Variants in PIP5K1C observed in about 807,000 individuals in gnomAD.
PIP5K1C encodes the protein phosphatidylinositol-4-phosphate 5-kinase type 1 gamma, also known as phosphatidylinositol 4-phosphate 5-kinase type-1 gamma.
PIP5K1C carries 45 observed loss-of-function variants against 80.1 expected under a neutral mutation model. The ratio of observed to expected loss-of-function variants is 0.56; its 90% confidence interval spans 0.44 to 0.72. PIP5K1C has a LOEUF of 0.72. Among genes scored for constraint, PIP5K1C ranks in the 30% least tolerant of loss-of-function variants. The pLI is 0.00. For missense variants in PIP5K1C, 753 were observed against 954.6 expected, an observed-to-expected ratio of 0.79 and a Z score of 2.78; for synonymous variants, 498 against 420.1, an observed-to-expected ratio of 1.19 and a Z score of -2.27.
chr19:3,690,736 A>G (rs1419224898), intron 1 of PIP5K1C, among the ~76,000 whole-genome samples: 3 of 152,234 alleles, frequency 2.0e-5, no homozygotes, highest in Admixed American at 6.5e-5. Flanking sequence ...AGTAGCTGCC[A>G]TAACAAATAA....
intron 15 of PIP5K1C, among the ~76,000 whole-genome samples, chr19:3,640,705 T>C (rs75668367): frequency 6.6e-6 from 1 of 151,826 alleles, no homozygotes; most frequent in African/African-American, 2.4e-5. Flanking sequence ...TTTTTTTTTT[T>C]AGGTGGAGTC....
In PIP5K1C at chr19:3,662,059, CCT is replaced by C. The variant is rs559615425; in HGVS notation, c.220-60_220-59del. On this transcript the variant is annotated intron_variant, in intron 3 of 17. Coordinates refer to ENST00000335312, the MANE Select transcript of PIP5K1C (RefSeq NM_012398.3). ...CTGCTCCCCACGCTGCCCTGCACCC[CCT>C]GTGTGCACCGGGGGGTGGAGATCGT... 4.6e-4 allele frequency: 703 copies of C among 1,531,468 alleles called. 3 individuals carry two copies. The highest frequency in any genetic ancestry group is 4.1e-3 in the South Asian group (341 of 84,044). The allele number at this position is 1,531,468 out of a possible 1,614,324, so 94.9% of individuals were successfully genotyped here.
intron 16 of PIP5K1C, among the ~76,000 whole-genome samples, chr19:3,634,333 G>T (rs1423534889): frequency 6.6e-6 from 1 of 150,938 alleles, no homozygotes; most frequent in Non-Finnish European, 1.5e-5. Flanking sequence ...CCCCTAGGCT[G>T]CTCTGCTTTC....
In PIP5K1C at chr19:3,651,855, C is replaced by A. The variant is rs570747394; in HGVS notation, c.1098G>T (p.Ala366=). The change falls in exon 8 of 18, where the codon GCG becomes GCT. Residue 366 remains alanine, a synonymous_variant. Coordinates refer to ENST00000335312, the MANE Select transcript of PIP5K1C (RefSeq NM_012398.3). The part of the protein sequence containing the change: ...TAMESIQGGA[A]RGEAIESDDT... ...CATCCGATTCGATGGCCTCCCCGCG[C>A]GCGGCGCCACCCTGGATGGACTCCA... The A allele has an allele frequency of 3.7e-6, 6 of 1,612,284 alleles. No individual in the cohort carries two copies. In the Admixed American group the frequency reaches 5.0e-5, roughly 13 times the overall value.
rs1879037 is a variant in PIP5K1C at position 3,633,117 on chromosome 19, C to A, written c.*50G>T. 0.11 allele frequency: 83,347 copies of A among 741,830 alleles called. 8,179 individuals are homozygous for A. Among genetic ancestry groups the A allele is most frequent in the Admixed American group, 0.35 (18,233 of 52,804 alleles). The allele number at this position is 741,830 out of a possible 1,614,324, so 46.0% of individuals were successfully genotyped here. A position where few individuals can be genotyped will look rare whatever the true frequency, so the allele number is the denominator to read the frequency against. ...GCGGGGTGGGCAGCGCCTTCGGGGG[C>A]AGCCGGAGCAGAAGTGGAGCTCGGC... On this transcript the variant is annotated 3_prime_UTR_variant, in exon 18 of 18. Coordinates refer to ENST00000335312, the MANE Select transcript of PIP5K1C (RefSeq NM_012398.3).
chr19:3,643,158 G>C, intron 13 of PIP5K1C, 85 bp downstream of exon 13: 2 of 1,591,478 alleles, frequency 1.3e-6, no homozygotes, highest in Non-Finnish European at 1.7e-6. Context: ...CATGCACAGC[G>C]GATGCCCCGC....
At position 3,648,605 on chromosome 19, in the gene PIP5K1C, C is replaced by G. The variant is rs1220669735; in HGVS notation, c.1211+20G>C. On this transcript the variant is annotated intron_variant, in intron 9 of 17. Transcript: ENST00000335312. The surrounding 1 kb of genome is among the most constrained non-coding windows in gnomAD (Gnocchi z 4.3). The stretch of plus-strand genomic sequence containing the variant: ...AGACCCGGGGCGTCCACCTGTAGGA[C>G]TGCAGACCCGGGCACCCACCTGTAG... 6.2e-7 allele frequency: 1 copy of G among 1,609,036 alleles called. No individual in the cohort carries two copies. The highest frequency in any genetic ancestry group is 8.5e-7 in the Non-Finnish European group (1 of 1,176,612).
At chr19:3,643,698 G>A (rs888302957) in intron 12 of PIP5K1C, among the ~76,000 whole-genome samples, 5 of 17,342 alleles carry the variant, frequency 2.9e-4, no homozygotes, top group African/African-American at 4.6e-4. Context: ...CTTCCCCTCC[G>A]CGCTGCTTGG....
In PIP5K1C at chr19:3,688,878, G is replaced by A. The variant is rs368015876; in HGVS notation, c.94+11419C>T. On this transcript the variant is annotated intron_variant, in intron 1 of 17. Coordinates refer to ENST00000335312, the MANE Select transcript of PIP5K1C (RefSeq NM_012398.3). The surrounding 1 kb of genome is among the most constrained non-coding windows in gnomAD (Gnocchi z 5.3). ...CCACACAGCCGAATACATGCCCCCG[G>A]TCCCCCTTCCAGCCTTGTCCCCAAC... is the stretch of plus-strand genomic sequence containing the variant. Among the ~76,000 whole-genome samples the A allele has an allele frequency of 6.6e-6, 1 of 151,714 alleles. No individual in the cohort carries two copies. Among genetic ancestry groups the A allele is most frequent in the Non-Finnish European group, 1.5e-5 (1 of 67,946 alleles).
At chr19:3,657,801 G>A (rs1258196719) in intron 5 of PIP5K1C, among the ~76,000 whole-genome samples, 1 of 151,842 alleles carries the variant, frequency 6.6e-6, no homozygotes, top group Admixed American at 6.6e-5. Flanking sequence ...CAGGCATGGT[G>A]ATGCCCATCT....
intron 16 of PIP5K1C, among the ~76,000 whole-genome samples, chr19:3,635,562 G>A (rs1164705840): frequency 6.6e-6 from 1 of 152,244 alleles, no homozygotes; most frequent in Non-Finnish European, 1.5e-5. Context: ...GCAGGAGCCT[G>A]TAATCCCAGC....
At chr19:3,653,615 G>T in intron 6 of PIP5K1C, 26 bp from the exon 7 acceptor site, 1 of 1,594,414 alleles carries the variant, frequency 6.3e-7, no homozygotes. Flanking sequence ...GGCAAGTCGT[G>T]GAGGGCGGCT....
chr19:3,636,556 T>G (rs2033694754), intron 16 of PIP5K1C: 2 of 985,404 alleles, frequency 2.0e-6, no homozygotes. Flanking sequence ...GTCTCTCCAG[T>G]GCTCCTCCTC....
In PIP5K1C at chr19:3,648,818, A is replaced by C. The variant is rs918785341; in HGVS notation, c.1128-110T>G. On this transcript the variant is annotated intron_variant, in intron 8 of 17. Coordinates refer to ENST00000335312, the MANE Select transcript of PIP5K1C (RefSeq NM_012398.3). This position sits in a 1 kb window ranked among gnomAD's most constrained non-coding sequence, Gnocchi z 4.3. ...AGTCCATCTGCTCCTGTGGGTGGCA[A>C]CTTGGCCAAGCTCTCGGAGTGGGGC... is the stretch of plus-strand genomic sequence containing the variant. 3.3e-6 allele frequency: 3 copies of C among 896,400 alleles called. No individual in the cohort carries two copies. In the African/African-American group the frequency reaches 4.9e-5, roughly 15 times the overall value. The allele number at this position is 896,400 out of a possible 1,614,324, so 55.5% of individuals were successfully genotyped here.
intron 1 of PIP5K1C, among the ~76,000 whole-genome samples, chr19:3,687,715 G>A (rs1483764333): frequency 1.3e-5 from 2 of 152,272 alleles, no homozygotes; most frequent in East Asian, 1.9e-4. Flanking sequence ...ACCCCAGCAC[G>A]GTGGAGGGAC....
At chr19:3,671,213 C>G (rs1040734902) in intron 1 of PIP5K1C, among the ~76,000 whole-genome samples, 1 of 152,238 alleles carries the variant, frequency 6.6e-6, no homozygotes, top group African/African-American at 2.4e-5. Flanking sequence ...GGGGCCCCCC[C>G]ACACCCACTT....
intron 1 of PIP5K1C, among the ~76,000 whole-genome samples, chr19:3,681,774 G>C (rs1312694317): frequency 6.6e-6 from 1 of 151,412 alleles, no homozygotes; most frequent in Non-Finnish European, 1.5e-5. Flanking sequence ...GCAGCCCCTG[G>C]GGGAGGGCAA....
At chr19:3,641,501 C>T (rs2145395209) in intron 15 of PIP5K1C, among the ~76,000 whole-genome samples, 1 of 152,304 alleles carries the variant, frequency 6.6e-6, no homozygotes, top group East Asian at 1.9e-4. Context: ...CAGGCATCGC[C>T]CAGTGTCCCC....
intron 1 of PIP5K1C, among the ~76,000 whole-genome samples, chr19:3,676,629 G>A (rs991540404): frequency 2.6e-5 from 4 of 152,202 alleles, no homozygotes; most frequent in Non-Finnish European, 2.9e-5. Flanking sequence ...CATGATCACC[G>A]TTTGACAGGC....
Sources: allele counts gnomAD v4.1 joint callset (sites outside exome capture counted in the v4.1 genomes callset), GRCh38; gene constraint gnomAD v4.1.1; non-coding constraint Gnocchi (gnomAD v3.1); transcripts MANE v1.5; gene names NCBI Gene and HGNC (gene_info 2026-07-23, HGNC 2026-07-21).